The following HADHA variants were observed in gnomAD, a reference collection of about 807,000 sequenced individuals.
The protein encoded by HADHA is hydroxyacyl-CoA dehydrogenase trifunctional multienzyme complex subunit alpha, also known as trifunctional enzyme subunit alpha, mitochondrial.
Under a neutral mutation model 91.3 loss-of-function variants are expected in HADHA, and 59 were observed. The ratio of observed to expected loss-of-function variants is 0.65; its 90% confidence interval spans 0.52 to 0.80. HADHA has a LOEUF of 0.80. HADHA is among the 30% of genes least tolerant of loss of function. The probability of loss-of-function intolerance (pLI) is 0.00; values close to 1 mark genes in which losing one functional copy is unlikely to be tolerated. For synonymous variants in HADHA, 320 were observed against 338.9 expected (o/e 0.94, Z 0.61); for missense variants, 800 against 927.6 (o/e 0.86, Z 1.79).
At chr2:26,206,949 G>T in intron 11 of HADHA, among the ~76,000 whole-genome samples, 1 of 152,040 alleles carries the variant, frequency 6.6e-6, no homozygotes, top group South Asian at 2.1e-4. Context: ...TATAATCGTA[G>T]TGCTTTGGGA....
At chr2:26,222,528 G>C (rs1670397742) in intron 7 of HADHA, among the ~76,000 whole-genome samples, 1 of 152,172 alleles carries the variant, frequency 6.6e-6, no homozygotes, top group Non-Finnish European at 1.5e-5. Context: ...CTCGTTCTAT[G>C]GATAGCAGTC....
At chr2:26,224,417 C>G (rs1465470125) in intron 7 of HADHA, among the ~76,000 whole-genome samples, 1 of 152,204 alleles carries the variant, frequency 6.6e-6, no homozygotes, top group Non-Finnish European at 1.5e-5. Context: ...TTTCTGAATA[C>G]AGTAATGAAT....
In HADHA at chr2:26,192,207, G is replaced by A. The variant is rs901971867; in HGVS notation, c.2000+103C>T. 8.1e-5 allele frequency: 57 copies of A among 701,238 alleles called. No individual in the cohort carries two copies. The East Asian group carries it at 1.3e-3, about 17-fold the overall frequency. 43.4% of individuals were successfully genotyped at this position (701,238 alleles called of 1,614,324 possible). On this transcript the variant is annotated intron_variant, in intron 18 of 19. Coordinates refer to ENST00000380649, the MANE Select transcript of HADHA (RefSeq NM_000182.5). The stretch of plus-strand genomic sequence containing the variant: ...TAACAAACCTGCACATGTATCCCAG[G>A]ACTTAAAGTATTAAAAAAAAAAAAA...
intron 3 of HADHA, 84 bp from the exon 4 acceptor site, chr2:26,237,072 T>C: frequency 2.1e-6 from 2 of 951,420 alleles, no homozygotes; most frequent in Admixed American, 1.7e-5. Context: ...ATTTTGATTA[T>C]AAGAAATATA....
intron 1 of HADHA, among the ~76,000 whole-genome samples, chr2:26,239,369 A>G (rs564066910): frequency 6.6e-6 from 1 of 152,360 alleles, no homozygotes; most frequent in South Asian, 2.1e-4. Context: ...AGGGATATAC[A>G]TCCCCAGAAC....
chr2:26,194,459 A>G, intron 16 of HADHA, 111 bp downstream of exon 16: 1 of 772,008 alleles, frequency 1.3e-6, no homozygotes, highest in Admixed American at 1.9e-5. Flanking sequence ...CCTAGACAAG[A>G]GCAGGAGTTG....
chr2:26,191,501 A>G lies in HADHA; in HGVS notation c.2128T>C (p.Phe710Leu). Residue 710 changes from phenylalanine to leucine, a missense_variant, in exon 19 of 20, where the codon TTC becomes CTC. Transcript: ENST00000380649. ...GACCAACCTCCCAGACAAGGCGGGA[A>G]GCCAAGCCCAAAGACGGCTCCGATG... The part of the protein sequence containing the change: ...GDIGAVFGLG[F>L]PPCLGGPFRF... The G allele has an allele frequency of 6.2e-7, 1 of 1,614,200 alleles. No homozygotes were observed. The highest frequency in any genetic ancestry group is 8.5e-7 in the Non-Finnish European group (1 of 1,180,022).
intron 10 of HADHA, 62 bp downstream of exon 10, chr2:26,212,508 G>A (rs769046463): frequency 1.8e-6 from 2 of 1,137,198 alleles, no homozygotes; most frequent in South Asian, 1.2e-5. Flanking sequence ...GCTTTATACA[G>A]AGGATTGGAT....
intron 7 of HADHA, 105 bp downstream of exon 7, chr2:26,230,087 T>G (rs1393613860): frequency 1.4e-5 from 10 of 732,070 alleles, no homozygotes; most frequent in Non-Finnish European, 2.2e-5. Context: ...CCTCCCAAAG[T>G]GCTGGGATTA....
Position 26,191,113 on chromosome 2 carries a change from A to T in HADHA, c.*137T>A. 1.2e-6 allele frequency: 1 copy of T among 831,548 alleles called. No individual in the cohort carries two copies. The highest frequency in any genetic ancestry group is 2.0e-6 in the Non-Finnish European group (1 of 498,402). The allele number at this position is 831,548 out of a possible 1,614,324, so 51.5% of individuals were successfully genotyped here. The stretch of plus-strand genomic sequence containing the variant: ...GGGAGAGATGGTCTTGGCTGAAGGC[A>T]CTTTAATCAGGGAGCAAACCCAGTG... On this transcript the variant is annotated 3_prime_UTR_variant, in exon 20 of 20. Coordinates refer to ENST00000380649, the MANE Select transcript of HADHA (RefSeq NM_000182.5).
At chr2:26,192,800 A>G (rs1669548634) in intron 17 of HADHA, among the ~76,000 whole-genome samples, 1 of 152,214 alleles carries the variant, frequency 6.6e-6, no homozygotes, top group African/African-American at 2.4e-5. Flanking sequence ...TTGGTCTATT[A>G]TAAAGCTCTG....
chr2:26,201,346 A>G, intron 12 of HADHA, 26 bp from the exon 13 acceptor site: 1 of 1,529,708 alleles, frequency 6.5e-7, no homozygotes, highest in African/African-American at 1.4e-5. Flanking sequence ...TCCTAGTTAG[A>G]TGGGAAGAAA....
At chr2:26,243,611 C>A (rs533594828) in intron 1 of HADHA, among the ~76,000 whole-genome samples, 1 of 151,920 alleles carries the variant, frequency 6.6e-6, no homozygotes, top group Non-Finnish European at 1.5e-5. Context: ...ACTACTTCAG[C>A]GGTTCCGGAA....
At chr2:26,199,823 A>G (rs909035789) in intron 13 of HADHA, among the ~76,000 whole-genome samples, 30 of 152,166 alleles carry the variant, frequency 2.0e-4, no homozygotes, top group African/African-American at 7.0e-4. Flanking sequence ...AGTTGTGGTG[A>G]GACGACTAAG....
Position 26,195,157 on chromosome 2 carries a change from TG to T in HADHA, c.1554del (p.Asp520ThrfsTer7), listed in dbSNP as rs2147753630. On this transcript the variant is annotated frameshift_variant, in exon 15 of 20. Coordinates refer to ENST00000380649, the MANE Select transcript of HADHA (RefSeq NM_000182.5). LOFTEE classifies it high-confidence loss of function. ...LLEIITTEKT[S>X]KDTSASAVAV... ...GCTACAGCTGAAGCACTGGTGTCTT[TG>T]GAAGTTTTCTCGGTCGTGATAATCT... 1 of 1,612,872 alleles carries T rather than the reference TG, an allele frequency of 6.2e-7. No individual in the cohort carries two copies. The highest frequency in any genetic ancestry group is 1.1e-5 in the South Asian group (1 of 91,038).
chr2:26,206,360 C>T (rs545497661), intron 11 of HADHA, among the ~76,000 whole-genome samples: 2 of 151,996 alleles, frequency 1.3e-5, no homozygotes, highest in African/African-American at 4.8e-5. Context: ...TCCCGAGGAG[C>T]TGGGATTACA....
At position 26,221,313 on chromosome 2, in the gene HADHA, A is replaced by T. The variant is rs983594604; in HGVS notation, c.677-6138T>A. Among the ~76,000 whole-genome samples the T allele has an allele frequency of 6.6e-6, 1 of 152,180 alleles. No individual in the cohort carries two copies. The highest frequency in any genetic ancestry group is 1.5e-5 in the Non-Finnish European group (1 of 68,026). On this transcript the variant is annotated intron_variant, in intron 7 of 19. Coordinates refer to ENST00000380649, the MANE Select transcript of HADHA (RefSeq NM_000182.5). The surrounding 1 kb of genome is among the most constrained non-coding windows in gnomAD (Gnocchi z 4.8). Reference sequence around the variant, plus strand: ...GTCTTTAATAGATCTCTATTAGGTGAATCACAACACAGACCCTTAGGATTT... The same window carrying T: ...GTCTTTAATAGATCTCTATTAGGTGTATCACAACACAGACCCTTAGGATTT...
chr2:26,240,432 C>T (rs193171142), intron 1 of HADHA, among the ~76,000 whole-genome samples: 28 of 152,024 alleles, frequency 1.8e-4, no homozygotes, highest in Non-Finnish European at 3.7e-4. Flanking sequence ...TGAAAATAGG[C>T]CTGGCATAGA....
chr2:26,205,806 A>T (rs568906605), intron 11 of HADHA, among the ~76,000 whole-genome samples: 159 of 151,288 alleles, frequency 1.1e-3, no homozygotes, highest in South Asian at 2.1e-3. Context: ...CATTTTTTTT[A>T]AAAAAAAAAA....
Sources: allele counts gnomAD v4.1 joint callset (sites outside exome capture counted in the v4.1 genomes callset), GRCh38; gene constraint gnomAD v4.1.1; non-coding constraint Gnocchi (gnomAD v3.1); transcripts MANE v1.5; gene names NCBI Gene and HGNC (gene_info 2026-07-23, HGNC 2026-07-21).